Variants in SRRT observed in about 807,000 individuals in gnomAD.
The protein encoded by SRRT is serrate RNA effector molecule homolog.
In SRRT, 32 loss-of-function variants were observed where a neutral mutation model predicts 103.2. The observed-to-expected ratio is 0.31, with a 90% CI of 0.23 to 0.42. The LOEUF is 0.42. Among genes scored for constraint, SRRT ranks in the 10% least tolerant of loss-of-function variants. SRRT has a pLI of 1.00. For synonymous variants in SRRT, 525 were observed against 449.0 expected (o/e 1.17, Z -2.14); for missense variants, 986 against 1,207.5 (o/e 0.82, Z 2.72).
At chr7:100,879,337 C>A (rs1255116361) in intron 2 of SRRT, among the ~76,000 whole-genome samples, 1 of 151,908 alleles carries the variant, frequency 6.6e-6, no homozygotes, top group Non-Finnish European at 1.5e-5. Context: ...TGGGCTCAAG[C>A]AATCCACTGC....
chr7:100,876,466 A>G (rs1438668926), intron 2 of SRRT, among the ~76,000 whole-genome samples: 1 of 152,148 alleles, frequency 6.6e-6, no homozygotes, highest in Non-Finnish European at 1.5e-5. Flanking sequence ...TATTTTTTGT[A>G]GAGACAGCGT....
At chr7:100,877,349 A>AG (rs750192044) in intron 2 of SRRT, among the ~76,000 whole-genome samples, 2 of 137,190 alleles carry the variant, frequency 1.5e-5, no homozygotes, top group Non-Finnish European at 1.5e-5. Flanking sequence ...TGAACCCAGG[A>AG]GGCACAGGTT....
At chr7:100,876,578 C>T (rs533381668) in intron 2 of SRRT, among the ~76,000 whole-genome samples, 18 of 152,208 alleles carry the variant, frequency 1.2e-4, no homozygotes, top group Non-Finnish European at 2.5e-4. Context: ...AGATTATTTC[C>T]CTGACAATAT....
rs778543608 is a variant in SRRT at position 100,884,820 on chromosome 7, C to T, written c.1023C>T (p.Ser341=). ...DGDKEEKKED[S]EKEAKKSSKK... is the part of the protein sequence containing the mutation. ...ACAAGGAAGAGAAGAAAGAAGACTCCGAGAAGGAAGCCAAAAAGGTGAGGT... is the reference window on the plus strand; with the variant it reads ...ACAAGGAAGAGAAGAAAGAAGACTCTGAGAAGGAAGCCAAAAAGGTGAGGT... The change falls in exon 8 of 20, where the codon TCC becomes TCT. Residue 341 remains serine (S), a synonymous_variant. Transcript: ENST00000611405. The T allele has an allele frequency of 4.3e-6, 7 of 1,613,920 alleles. No homozygotes were observed. The highest frequency in any genetic ancestry group is 1.3e-5 in the African/African-American group (1 of 74,916).
Position 100,884,821 on chromosome 7 carries a change from G to C in SRRT, c.1024G>C (p.Glu342Gln). The C allele has an allele frequency of 6.2e-7, 1 of 1,614,086 alleles. No homozygotes were observed. Among genetic ancestry groups the C allele is most frequent in the Non-Finnish European group, 8.5e-7 (1 of 1,179,996 alleles). Residue 342 changes from glutamate to glutamine, a missense_variant, in exon 8 of 20, where the codon GAG (glutamate) becomes CAG (glutamine). Transcript: ENST00000611405. ...CAAGGAAGAGAAGAAAGAAGACTCC[G>C]AGAAGGAAGCCAAAAAGGTGAGGTG... Reference protein sequence around the residue: ...GDKEEKKEDSEKEAKKSSKKR... With the variant: ...GDKEEKKEDSQKEAKKSSKKR...
chr7:100,882,223 C>A lies in SRRT; in HGVS notation c.569C>A (p.Ala190Glu). 1 of 1,613,984 alleles carries A rather than the reference C, an allele frequency of 6.2e-7. No homozygotes were observed. The highest frequency in any genetic ancestry group is 8.5e-7 in the Non-Finnish European group (1 of 1,179,890). Residue 190 changes from alanine to glutamate, a missense_variant, in exon 5 of 20, where the codon GCG becomes GAG. Around this residue, in one of 6 missense-constraint regions of SRRT, gnomAD observed 274 missense variants for 358.5 expected, o/e 0.76. Coordinates refer to ENST00000611405, the MANE Select transcript of SRRT (RefSeq NM_015908.6). This position sits in a 1 kb window ranked among gnomAD's most constrained non-coding sequence, Gnocchi z 4.2. ...CAACAGATGCAGGATTTCTTCCTGG[C>A]GCACAAAGATGAGGAGTGGTGAGTG... ...RRQQMQDFFLAHKDEEWFRSK... is the reference protein window; with the variant it reads ...RRQQMQDFFLEHKDEEWFRSK...
chr7:100,878,393 G>A (rs1815955607), intron 2 of SRRT, among the ~76,000 whole-genome samples: 1 of 152,120 alleles, frequency 6.6e-6, no homozygotes, highest in African/African-American at 2.4e-5. Context: ...AGACTTTCTT[G>A]GTGAGATAGG....
intron 2 of SRRT, among the ~76,000 whole-genome samples, chr7:100,876,554 C>T (rs1815730904): frequency 6.6e-6 from 1 of 152,130 alleles, no homozygotes; most frequent in South Asian, 2.1e-4. Context: ...GTTGATCTGA[C>T]TGGAGAGGTC....
rs777988837 is a variant in SRRT at position 100,885,364 on chromosome 7, C to A, written c.1311C>A (p.Ile437=). 3 of 1,613,054 alleles carry A rather than the reference C, an allele frequency of 1.9e-6. No individual in the cohort carries two copies. The Admixed American group carries it at 5.0e-5, about 27-fold the overall frequency. ...CGCCCAACATCTCCCGGGCCGAGAT[C>A]ATCTCCGTGAGTGGGGACCCGTGGA... ...NIAPNISRAE[I]ISLCKRYPGF... Residue 437 remains isoleucine, a synonymous_variant, in exon 10 of 20, where the codon ATC becomes ATA. Transcript: ENST00000611405. This position sits in a 1 kb window ranked among gnomAD's most constrained non-coding sequence, Gnocchi z 4.8.
Position 100,882,046 on chromosome 7 carries a change from C to T in SRRT, c.399-7C>T. 1 of 1,611,488 alleles carries T rather than the reference C, an allele frequency of 6.2e-7. No individual in the cohort carries two copies. ...AACCAAGCCTTCCTGACCGGGGTCC[C>T]CTCCAGGCTGGGCAGCATTGCAGAG... is the stretch of plus-strand genomic sequence containing the variant. On this transcript the variant is annotated splice_region_variant and splice_polypyrimidine_tract_variant and intron_variant, in intron 4 of 19. Transcript: ENST00000611405. This position sits in a 1 kb window ranked among gnomAD's most constrained non-coding sequence, Gnocchi z 4.2.
Position 100,887,567 on chromosome 7 carries a change from C to A in SRRT, c.2169+54C>A. On this transcript the variant is annotated intron_variant, in intron 16 of 19. Coordinates refer to ENST00000611405, the MANE Select transcript of SRRT (RefSeq NM_015908.6). This position sits in a 1 kb window ranked among gnomAD's most constrained non-coding sequence, Gnocchi z 4.1. ...ACGGTGGTGGGAGGTGGGGTTGAGA[C>A]AGGAAGCCCCCTGGGCAGGGGTGGG... is the stretch of plus-strand genomic sequence containing the variant. The A allele has an allele frequency of 1.9e-6, 3 of 1,595,090 alleles. No individual in the cohort carries two copies. Among genetic ancestry groups the A allele is most frequent in the South Asian group, 1.1e-5 (1 of 88,410 alleles).
chr7:100,881,153 C>G (rs1279709023), intron 2 of SRRT, 132 bp from the exon 3 acceptor site: 2 of 856,478 alleles, frequency 2.3e-6, no homozygotes, highest in Non-Finnish European at 3.5e-6. Flanking sequence ...GGGGGGGGGT[C>G]TCACTATTGC....
chr7:100,883,573 C>T (rs1789784177), intron 5 of SRRT, among the ~76,000 whole-genome samples: 1 of 152,220 alleles, frequency 6.6e-6, no homozygotes, highest in African/African-American at 2.4e-5. Context: ...AGAAAGGTGC[C>T]CTGCCTCTGG....
At chr7:100,881,030 CA>C (rs1816257673) in intron 2 of SRRT, among the ~76,000 whole-genome samples, 1 of 151,418 alleles carries the variant, frequency 6.6e-6, no homozygotes, top group Non-Finnish European at 1.5e-5. Flanking sequence ...TCTGGTATCT[CA>C]GGGTGTAAGA....
rs776395310 is a variant in SRRT at position 100,881,680 on chromosome 7, A to G, written c.273A>G (p.Pro91=). ...TCAGGGATGAGCACAGCTCTGACCC[A>G]TACCACAGTGGCTATGAGATGCCCT... ...RRDWDEHSSD[P]YHSGYEMPYA... is the part of the protein sequence containing the mutation. The change falls in exon 4 of 20, where the codon CCA becomes CCG. Residue 91 remains proline (P), a synonymous_variant. Transcript: ENST00000611405. The G allele has an allele frequency of 6.2e-7, 1 of 1,613,968 alleles. No homozygotes were observed. Among genetic ancestry groups the G allele is most frequent in the Non-Finnish European group, 8.5e-7 (1 of 1,179,996 alleles).
rs559419305 is a variant in SRRT, at chr7:100,875,671, C to T, written c.81C>T (p.Arg27=). 6.2e-7 allele frequency: 1 copy of T among 1,613,950 alleles called. No homozygotes were observed. The highest frequency in any genetic ancestry group is 8.5e-7 in the Non-Finnish European group (1 of 1,179,966). Reference sequence around the variant, plus strand: ...AGCGCAGCGACTACGACCGTTCCCGCGAGAGAGATGAAAGACGTCGAGGGG... The same window carrying T: ...AGCGCAGCGACTACGACCGTTCCCGTGAGAGAGATGAAAGACGTCGAGGGG... The part of the protein sequence containing the change: ...RRERSDYDRS[R]ERDERRRGDD... The change falls in exon 2 of 20, where the codon CGC becomes CGT. Residue 27 remains arginine, a synonymous_variant. Coordinates refer to ENST00000611405, the MANE Select transcript of SRRT (RefSeq NM_015908.6).
At position 100,887,196 on chromosome 7, in the gene SRRT, G is replaced by A. The variant is rs1053676773; in HGVS notation, c.1971G>A (p.Gly657=). The change falls in exon 15 of 20, where the codon GGG becomes GGA. Residue 657 remains glycine, a synonymous_variant. Coordinates refer to ENST00000611405, the MANE Select transcript of SRRT (RefSeq NM_015908.6). This position sits in a 1 kb window ranked among gnomAD's most constrained non-coding sequence, Gnocchi z 4.1. ...TGCCACCCAACCGCATCAGTCACGG[G>A]GAAGGTGAGCTCCAGGTTCCCCTTT... ...GPMPPNRISH[G]EVLEWQKTFE... is the part of the protein sequence containing the mutation. 1 of 1,614,162 alleles carries A rather than the reference G, an allele frequency of 6.2e-7. No individual in the cohort carries two copies. The highest frequency in any genetic ancestry group is 1.1e-5 in the South Asian group (1 of 91,086).
In SRRT at chr7:100,887,501, C is replaced by T; in HGVS notation, c.2157C>T (p.Gly719=). ...ATAAGTGGCTGTGTCCTCTCAGTGG[C>T]AAGAAATTCAAGGTGTGGGATGTTG... ...GKDKWLCPLS[G]KKFKGPEFVR... The change falls in exon 16 of 20, where the codon GGC becomes GGT. Residue 719 remains glycine, a synonymous_variant. Coordinates refer to ENST00000611405, the MANE Select transcript of SRRT (RefSeq NM_015908.6). This position sits in a 1 kb window ranked among gnomAD's most constrained non-coding sequence, Gnocchi z 4.1. 1 of 1,613,876 alleles carries T rather than the reference C, an allele frequency of 6.2e-7. No homozygotes were observed. The highest frequency in any genetic ancestry group is 8.5e-7 in the Non-Finnish European group (1 of 1,179,886).
chr7:100,875,798 T>C, intron 2 of SRRT, 86 bp downstream of exon 2: 1 of 1,548,154 alleles, frequency 6.5e-7, no homozygotes, highest in South Asian at 1.1e-5. Context: ...CTTGTAATTT[T>C]TATGAGGGCG....
Sources: gnomAD v4.1 joint callset for allele counts (sites outside exome capture counted in the v4.1 genomes callset) on GRCh38, gnomAD v4.1.1 for gene constraint, gnomAD v4.1.1 regional missense constraint, Gnocchi (gnomAD v3.1) non-coding constraint, MANE v1.5 for transcripts, NCBI Gene and HGNC (gene_info 2026-07-23, HGNC 2026-07-21) for gene names.